Variants in SPEF2 observed in about 807,000 individuals in gnomAD.
SPEF2 encodes sperm flagellar and cilia associated 2, also known as sperm flagella and cilia-associated protein 2.
SPEF2 carries 187 observed loss-of-function variants against 224.6 expected under a neutral mutation model. That is an observed-to-expected ratio of 0.83 (90% confidence interval 0.74 to 0.94). The LOEUF (loss-of-function observed/expected upper bound fraction) is 0.94, where lower values mean the gene tolerates loss of function less well. Ranked by LOEUF, SPEF2 falls within the 40% of genes least tolerant of loss-of-function variation. SPEF2 has a pLI of 0.00. For synonymous variants in SPEF2, 715 were observed against 707.3 expected (o/e 1.01, Z -0.17); for missense variants, 2,170 against 2,135.6 (o/e 1.02, Z -0.32).
chr5:35,779,463 C>A, intron 30 of SPEF2, 117 bp downstream of exon 30: 2 of 718,470 alleles, frequency 2.8e-6, no homozygotes, highest in Non-Finnish European at 2.3e-6. Flanking sequence ...CTAAAACATG[C>A]CCTTGCTTTG....
rs1285093759 is a variant in SPEF2 at position 35,751,076 on chromosome 5, T to C, written c.3331-2548T>C. 8.3e-4 allele frequency among the ~76,000 whole-genome samples: 42 copies of C among 50,430 alleles called. 6 individuals carry two copies. The highest frequency in any genetic ancestry group is 1.9e-3 in the African/African-American group (29 of 15,426). 33.1% of individuals were successfully genotyped at this position (50,430 alleles called of 152,430 possible). A position where few individuals can be genotyped will look rare whatever the true frequency, so the allele number is the denominator to read the frequency against. Reference sequence around the variant, plus strand: ...ATATACGTATATATATGTATATATATATACACACACACACACACACATATA... The same window carrying C: ...ATATACGTATATATATGTATATATACATACACACACACACACACACATATA... On this transcript the variant is annotated intron_variant, in intron 23 of 36. Transcript: ENST00000356031.
intron 32 of SPEF2, among the ~76,000 whole-genome samples, chr5:35,794,159 A>G (rs1756343215): frequency 1.3e-5 from 2 of 152,234 alleles, no homozygotes; most frequent in Admixed American, 1.3e-4. Flanking sequence ...TAGAAGTCTG[A>G]GTAAGACAAG....
chr5:35,658,982 A>C, intron 7 of SPEF2, 37 bp from the exon 8 acceptor site: 2 of 1,462,488 alleles, frequency 1.4e-6, no homozygotes, highest in South Asian at 3.0e-5. Flanking sequence ...GGAAATTTGG[A>C]CGTCACTTTA....
chr5:35,630,232 G>A (rs369792), intron 2 of SPEF2, among the ~76,000 whole-genome samples: 13,542 of 152,062 alleles, frequency 0.089, 2,099 homozygotes, highest in African/African-American at 0.31. Flanking sequence ...GCAAGCTGTC[G>A]GTGGATCTAC....
At chr5:35,630,114 C>A (rs566704549) in intron 2 of SPEF2, among the ~76,000 whole-genome samples, 1 of 152,146 alleles carries the variant, frequency 6.6e-6, no homozygotes, top group Non-Finnish European at 1.5e-5. Flanking sequence ...GAAGTGAGCT[C>A]CCATGGCCTT....
chr5:35,700,842 G>C, intron 16 of SPEF2, 90 bp downstream of exon 16: 1 of 1,330,276 alleles, frequency 7.5e-7, no homozygotes, highest in Non-Finnish European at 1.0e-6. Flanking sequence ...AATTATAAAT[G>C]AGTACAAAAT....
At position 35,667,147 on chromosome 5, in the gene SPEF2, G is replaced by T. The variant is rs747857864; in HGVS notation, c.1243G>T (p.Val415Leu). 1 of 1,612,344 alleles carries T rather than the reference G, an allele frequency of 6.2e-7. No individual in the cohort carries two copies. The highest frequency in any genetic ancestry group is 1.3e-5 in the African/African-American group (1 of 74,992). The change falls in exon 9 of 37, where the codon GTG becomes TTG. Residue 415 changes from valine (V) to leucine (L), a missense_variant. Transcript: ENST00000356031. ...KEKRFHDQIA[V>L]ERAQARYEKH... The stretch of plus-strand genomic sequence containing the variant: ...AAAGAGATTTCATGATCAGATTGCT[G>T]TGGAAAGAGCTCAAGCTCGTTATGA...
In SPEF2 at chr5:35,710,063, T is replaced by G. The variant is rs571172685; in HGVS notation, c.2839+942T>G. ...CTTTAGTAAGATATATTATGATATA[T>G]TAAAGACCATTCTGCTCCAGGAAAT... On this transcript the variant is annotated intron_variant, in intron 19 of 36. Coordinates refer to ENST00000356031, the MANE Select transcript of SPEF2 (RefSeq NM_024867.4). The G allele has an allele frequency of 1.4e-5, 14 of 983,426 alleles. 1 individual carries two copies. In the African/African-American group the frequency reaches 2.1e-4, roughly 15 times the overall value. 60.9% of individuals were successfully genotyped at this position (983,426 alleles called of 1,614,324 possible). A position where few individuals can be genotyped will look rare whatever the true frequency, so the allele number is the denominator to read the frequency against.
At chr5:35,699,360 C>G (rs1738075634) in intron 15 of SPEF2, 1 of 152,228 alleles carries the variant, frequency 6.6e-6, no homozygotes, top group Non-Finnish European at 1.5e-5. Context: ...ACGCCTTTCT[C>G]ACCTTGTTTT....
At chr5:35,771,553 G>C in intron 26 of SPEF2, 56 bp from the exon 27 acceptor site, 1 of 1,569,256 alleles carries the variant, frequency 6.4e-7, no homozygotes, top group Non-Finnish European at 8.6e-7. Flanking sequence ...ACATCCAAAT[G>C]GTTGCCATAT....
At chr5:35,759,208 G>C (rs1274540962) in intron 24 of SPEF2, among the ~76,000 whole-genome samples, 1 of 151,808 alleles carries the variant, frequency 6.6e-6, no homozygotes, top group Non-Finnish European at 1.5e-5. Context: ...AAAGAAGTTT[G>C]CTACTATATT....
At chr5:35,687,948 T>A (rs1173880620) in intron 10 of SPEF2, among the ~76,000 whole-genome samples, 2 of 151,878 alleles carry the variant, frequency 1.3e-5, no homozygotes, top group Non-Finnish European at 2.9e-5. Context: ...AGCAAAAAAA[T>A]TTGCAAGCAA....
At chr5:35,775,293 G>T (rs1165375925) in intron 28 of SPEF2, among the ~76,000 whole-genome samples, 1 of 152,040 alleles carries the variant, frequency 6.6e-6, no homozygotes, top group Non-Finnish European at 1.5e-5. Flanking sequence ...GGGCATATTG[G>T]GCAAAGGGGA....
intron 10 of SPEF2, chr5:35,678,508 C>G (rs937486737): frequency 1.3e-5 from 2 of 152,258 alleles, no homozygotes; most frequent in African/African-American, 4.8e-5. Context: ...CACCCCTGCC[C>G]ACTGGCTCCT....
chr5:35,661,291 T>TAC lies in SPEF2; in HGVS notation c.1167+2085_1167+2086insCA, dbSNP rs1487999929. ...ATATATATATATATATATATATATA[T>TAC]ATATATATTATACACACATATATAC... On this transcript the variant is annotated intron_variant, in intron 8 of 36. Coordinates refer to ENST00000356031, the MANE Select transcript of SPEF2 (RefSeq NM_024867.4). Among the ~76,000 whole-genome samples, 9 of 82,334 alleles carry TAC rather than the reference T, an allele frequency of 1.1e-4. 1 individual carries two copies. Among genetic ancestry groups the TAC allele is most frequent in the African/African-American group, 3.1e-4 (6 of 19,382 alleles). 54.0% of individuals were successfully genotyped at this position (82,334 alleles called of 152,430 possible).
At chr5:35,707,105 A>G (rs997788042) in intron 18 of SPEF2, among the ~76,000 whole-genome samples, 27 of 152,346 alleles carry the variant, frequency 1.8e-4, no homozygotes, top group Non-Finnish European at 2.6e-4. Context: ...TTTAATAATT[A>G]AAACAATAAA....
In SPEF2 at chr5:35,646,719, C is replaced by T; in HGVS notation, c.638C>T (p.Ala213Val). Residue 213 changes from alanine (A) to valine (V), a missense_variant, in exon 5 of 37, where the codon GCT becomes GTT. By Grantham distance (64) the Ala-to-Val change is moderately conservative (BLOSUM62 0). Transcript: ENST00000356031. ...QNEIMAKIQA[A>V]IIQIPKPASN... Reference sequence around the variant, plus strand: ...GAAATAATGGCCAAAATCCAAGCAGCTATTATACAGATTCCTAAACCTGCA... The same window carrying T: ...GAAATAATGGCCAAAATCCAAGCAGTTATTATACAGATTCCTAAACCTGCA... 6.2e-7 allele frequency: 1 copy of T among 1,613,824 alleles called. No homozygotes were observed. The highest frequency in any genetic ancestry group is 1.7e-4 in the Middle Eastern group (1 of 6,056).
intron 30 of SPEF2, chr5:35,789,348 T>G (rs1231319670): frequency 1.4e-6 from 1 of 703,376 alleles, no homozygotes; most frequent in African/African-American, 1.7e-5. Flanking sequence ...GAGTCAATGC[T>G]GGAAATGCTC....
In SPEF2 at chr5:35,618,073, G is replaced by A. The variant is rs897772844; in HGVS notation, c.58+18G>A. Reference sequence around the variant, plus strand: ...GACCGTGAGTGAGTGACCACGGCCAGGGGCGAGCGTCTGAGGGGCTAGCGG... The same window carrying A: ...GACCGTGAGTGAGTGACCACGGCCAAGGGCGAGCGTCTGAGGGGCTAGCGG... On this transcript the variant is annotated intron_variant, in intron 1 of 36. Transcript: ENST00000356031. The A allele has an allele frequency of 1.9e-6, 3 of 1,574,874 alleles. No individual in the cohort carries two copies. The highest frequency in any genetic ancestry group is 2.7e-5 in the African/African-American group (2 of 73,774).
Sources: allele counts gnomAD v4.1 joint callset (sites outside exome capture counted in the v4.1 genomes callset), GRCh38; gene constraint gnomAD v4.1.1; transcripts MANE v1.5; gene names NCBI Gene and HGNC (gene_info 2026-07-23, HGNC 2026-07-21).